Variants in LRRN1 observed in about 807,000 individuals in gnomAD.
LRRN1 encodes the protein leucine rich repeat neuronal 1.
Under a neutral mutation model 45.8 loss-of-function variants are expected in LRRN1, and 14 were observed. The ratio of observed to expected loss-of-function variants is 0.31; its 90% CI spans 0.20 to 0.48. LRRN1 has a LOEUF of 0.48. Ranked by LOEUF, LRRN1 falls within the 20% of genes least tolerant of loss-of-function variation. The pLI, the probability that LRRN1 is intolerant of heterozygous loss-of-function variation, is 0.99. For missense variants in LRRN1, 789 were observed against 874.2 expected, an observed-to-expected ratio of 0.90 and a Z score of 1.23; for synonymous variants, 359 against 330.1, an observed-to-expected ratio of 1.09 and a Z score of -0.95.
intron 1 of LRRN1, among the ~76,000 whole-genome samples, chr3:3,834,553 T>TATATATATATATATATATATATATATA (rs1553563059): frequency 5.3e-5 from 1 of 18,756 alleles, no homozygotes; most frequent in Non-Finnish European, 1.7e-4. Flanking sequence ...TATATATATA[T>TATATATATATATATATATATATATATA]GATATATATA....
At chr3:3,807,755 A>C (rs1692795586) in intron 1 of LRRN1, among the ~76,000 whole-genome samples, 1 of 152,162 alleles carries the variant, frequency 6.6e-6, no homozygotes, top group South Asian at 2.1e-4. Context: ...ACATGAACTC[A>C]TCAGACCATC....
chr3:3,806,115 C>T (rs565571458), intron 1 of LRRN1, among the ~76,000 whole-genome samples: 6 of 152,216 alleles, frequency 3.9e-5, no homozygotes, highest in South Asian at 2.1e-4. Context: ...GGTGTTATAC[C>T]GGCATCTAAT....
At chr3:3,802,383 A>G (rs1692672771) in intron 1 of LRRN1, among the ~76,000 whole-genome samples, 1 of 152,212 alleles carries the variant, frequency 6.6e-6, no homozygotes, top group Non-Finnish European at 1.5e-5. Context: ...GAAGGGAAAA[A>G]GAACCTATTC....
intron 1 of LRRN1, among the ~76,000 whole-genome samples, chr3:3,830,023 G>A (rs1043601815): frequency 6.6e-6 from 1 of 152,204 alleles, no homozygotes; most frequent in Non-Finnish European, 1.5e-5. Context: ...GCCTTGGTGA[G>A]CAGAAGTCCA....
intron 1 of LRRN1, among the ~76,000 whole-genome samples, chr3:3,818,287 C>A (rs1345222844): frequency 1.3e-5 from 2 of 150,924 alleles, no homozygotes; most frequent in East Asian, 3.9e-4. Context: ...AGACATATTA[C>A]AGGGAGAGAA....
Position 3,806,942 on chromosome 3 carries a change from G to C in LRRN1, c.-279+7023G>C, listed in dbSNP as rs76214721. Among the ~76,000 whole-genome samples the C allele has an allele frequency of 0.01, 1,592 of 152,220 alleles. 70 individuals are homozygous for C. In the East Asian group the frequency reaches 0.15, roughly 14 times the overall value. On this transcript the variant is annotated intron_variant, in intron 1 of 1. Transcript: ENST00000319331. ...GTCACCCATCTAGGGGGAGACTGGAGGTGGGATAAGACCTGAGACTCCTGT... is the reference window on the plus strand; with the variant it reads ...GTCACCCATCTAGGGGGAGACTGGACGTGGGATAAGACCTGAGACTCCTGT...
Position 3,814,751 on chromosome 3 carries a change from C to T in LRRN1, c.-279+14832C>T, listed in dbSNP as rs1427891585. ...GACACAGCCTCAGTTTTGTCTTTGC[C>T]CCCTTCTGCCATGTGAAGACACAGA... On this transcript the variant is annotated intron_variant, in intron 1 of 1. Transcript: ENST00000319331. Among the ~76,000 whole-genome samples the T allele has an allele frequency of 7.2e-5, 11 of 152,108 alleles. No individual in the cohort carries two copies. In the East Asian group the frequency reaches 2.1e-3, roughly 29 times the overall value.
In LRRN1 at chr3:3,848,228, C is replaced by T. The variant is rs776097648; in HGVS notation, c.*1436C>T. On this transcript the variant is annotated 3_prime_UTR_variant, in exon 2 of 2. Coordinates refer to ENST00000319331, the MANE Select transcript of LRRN1 (RefSeq NM_020873.7). ...GATTAATAGAAAACAAAACAACTTCCGTACAGTTCAAACTTTTCATCCAAA... is the reference window on the plus strand; with the variant it reads ...GATTAATAGAAAACAAAACAACTTCTGTACAGTTCAAACTTTTCATCCAAA... Among the ~76,000 whole-genome samples the T allele has an allele frequency of 5.3e-5, 8 of 152,146 alleles. No homozygotes were observed. Among genetic ancestry groups the T allele is most frequent in the Non-Finnish European group, 1.0e-4 (7 of 68,036 alleles).
At chr3:3,826,884 A>G (rs996228497) in intron 1 of LRRN1, among the ~76,000 whole-genome samples, 4 of 152,290 alleles carry the variant, frequency 2.6e-5, no homozygotes, top group South Asian at 2.1e-4. Flanking sequence ...TACATCCTCA[A>G]TACAAAATTT....
intron 1 of LRRN1, among the ~76,000 whole-genome samples, chr3:3,802,839 A>G (rs1692682810): frequency 6.6e-6 from 1 of 152,226 alleles, no homozygotes; most frequent in African/African-American, 2.4e-5. Context: ...AGTTATCTAG[A>G]TATTTTTGAA....
At chr3:3,821,748 C>CA (rs1248288287) in intron 1 of LRRN1, among the ~76,000 whole-genome samples, 1 of 152,254 alleles carries the variant, frequency 6.6e-6, no homozygotes, top group East Asian at 1.9e-4. Flanking sequence ...TTCTTAAGCA[C>CA]AAAATGTAGA....
rs1246615590 is a variant in LRRN1 at position 3,799,832 on chromosome 3, TCTC to T, written c.-357_-355del. ...TAGTCCTCCTCCTCCTCCTCGTCTT[TCTC>T]CTCCTCCTGCTGCTGCTGCCGCCGC... On this transcript the variant is annotated 5_prime_UTR_variant, in exon 1 of 2. Coordinates refer to ENST00000319331, the MANE Select transcript of LRRN1 (RefSeq NM_020873.7). The T allele has an allele frequency of 1.2e-5, 2 of 163,828 alleles. No individual in the cohort carries two copies. The highest frequency in any genetic ancestry group is 2.4e-5 in the African/African-American group (1 of 41,282). 10.1% of individuals were successfully genotyped at this position (163,828 alleles called of 1,614,324 possible).
At chr3:3,841,037 C>T (rs189642753) in intron 1 of LRRN1, among the ~76,000 whole-genome samples, 2 of 152,252 alleles carry the variant, frequency 1.3e-5, no homozygotes, top group Non-Finnish European at 2.9e-5. Flanking sequence ...CGGTGGCTCA[C>T]ACCTGTAATC....
intron 1 of LRRN1, among the ~76,000 whole-genome samples, chr3:3,823,936 C>G (rs1359935267): frequency 6.6e-6 from 1 of 152,136 alleles, no homozygotes; most frequent in African/African-American, 2.4e-5. Flanking sequence ...TCAGCCCAGC[C>G]TCATCATTTA....
chr3:3,823,147 G>A (rs763638009), intron 1 of LRRN1, among the ~76,000 whole-genome samples: 1 of 152,110 alleles, frequency 6.6e-6, no homozygotes, highest in Non-Finnish European at 1.5e-5. Flanking sequence ...AGCTATAAAT[G>A]CTCCCAGGTA....
intron 1 of LRRN1, among the ~76,000 whole-genome samples, chr3:3,843,572 C>G (rs183946301): frequency 2.0e-5 from 3 of 151,434 alleles, no homozygotes; most frequent in Middle Eastern, 3.4e-3. Flanking sequence ...CCACTGTACC[C>G]CCCCCCATAC....
chr3:3,822,141 A>T (rs1391676878), intron 1 of LRRN1, among the ~76,000 whole-genome samples: 1 of 152,210 alleles, frequency 6.6e-6, no homozygotes, highest in African/African-American at 2.4e-5. Context: ...CTGAGTCTCC[A>T]TTCCATCACC....
intron 1 of LRRN1, chr3:3,827,291 G>A (rs548534349): frequency 2.6e-4 from 62 of 234,318 alleles, no homozygotes; most frequent in African/African-American, 2.0e-4. Flanking sequence ...TCCAGAAGCC[G>A]CATTCTTAAC....
At chr3:3,824,038 C>T (rs1293436371) in intron 1 of LRRN1, among the ~76,000 whole-genome samples, 3 of 152,094 alleles carry the variant, frequency 2.0e-5, no homozygotes, top group Non-Finnish European at 2.9e-5. Flanking sequence ...GTGCTCCAGC[C>T]CCTGTACCGT....
Sources: allele counts gnomAD v4.1 joint callset (sites outside exome capture counted in the v4.1 genomes callset), GRCh38; gene constraint gnomAD v4.1.1; transcripts MANE v1.5; gene names NCBI Gene and HGNC (gene_info 2026-07-23, HGNC 2026-07-21).